The following HEMK2 variants were observed in gnomAD, a reference collection of about 807,000 sequenced individuals.
The protein encoded by HEMK2 is HemK methyltransferase 2, ETF1 glutamine and histone H4 lysine.
chr21:28,831,530 A>AGAAG, the HEMK2 span, among the ~76,000 whole-genome samples: 5 of 73,244 alleles, frequency 6.8e-5, no homozygotes, highest in East Asian at 5.0e-4. Flanking sequence ...AAAGAAGGAA[A>AGAAG]GAAGGAAAGA....
At chr21:28,842,650 GCAA>G in the HEMK2 span, among the ~76,000 whole-genome samples, 1 of 152,150 alleles carries the variant, frequency 6.6e-6, no homozygotes, top group African/African-American at 2.4e-5. Flanking sequence ...GTTTTGTTCA[GCAA>G]CAACGTGCCC....
At chr21:28,833,297 CA>C in the HEMK2 span, among the ~76,000 whole-genome samples, 1 of 152,226 alleles carries the variant, frequency 6.6e-6, no homozygotes, top group African/African-American at 2.4e-5. Context: ...TTTGTGCACA[CA>C]AGGCCAAGCA....
the HEMK2 span, among the ~76,000 whole-genome samples, chr21:28,622,373 A>C: frequency 1.3e-5 from 2 of 152,228 alleles, no homozygotes; most frequent in African/African-American, 4.8e-5. Context: ...ATGGATAGGA[A>C]GAATCAATAT....
At chr21:28,755,617 G>C in the HEMK2 span, among the ~76,000 whole-genome samples, 1 of 152,168 alleles carries the variant, frequency 6.6e-6, no homozygotes, top group Non-Finnish European at 1.5e-5. Flanking sequence ...AAGAATAATT[G>C]TCTAGCAATT....
the HEMK2 span, among the ~76,000 whole-genome samples, chr21:28,749,631 T>A: frequency 1.3e-5 from 2 of 152,240 alleles, no homozygotes; most frequent in Non-Finnish European, 2.9e-5. Context: ...GACCTTGAAC[T>A]TGATCGTCAG....
At chr21:28,838,978 T>A in the HEMK2 span, among the ~76,000 whole-genome samples, 1,960 of 36,204 alleles carry the variant, frequency 0.054, 87 homozygotes, top group East Asian at 0.073. Context: ...AAAAAATATA[T>A]ATATATATAT....
At chr21:28,605,729 G>A in the HEMK2 span, among the ~76,000 whole-genome samples, 53 of 152,166 alleles carry the variant, frequency 3.5e-4, no homozygotes, top group African/African-American at 1.1e-3. Context: ...TCCATGTATC[G>A]TGTGTTTATG....
chr21:28,845,687 ATTT>A, the HEMK2 span, among the ~76,000 whole-genome samples: 12 of 146,340 alleles, frequency 8.2e-5, no homozygotes, highest in Admixed American at 8.1e-4. Context: ...GTAAGTAGAA[ATTT>A]TTTTCTCACT....
chr21:28,878,046 T>C, the HEMK2 span: 2 of 615,246 alleles, frequency 3.3e-6, no homozygotes. Flanking sequence ...AACATAAATT[T>C]ATGCCTGTAT....
At chr21:28,881,369 A>G in the HEMK2 span, among the ~76,000 whole-genome samples, 1 of 152,190 alleles carries the variant, frequency 6.6e-6, no homozygotes, top group Admixed American at 6.5e-5. Context: ...GGCCACAGCA[A>G]AAGGTTGAGA....
the HEMK2 span, among the ~76,000 whole-genome samples, chr21:28,793,303 A>C: frequency 6.6e-6 from 1 of 152,298 alleles, no homozygotes; most frequent in East Asian, 1.9e-4. Flanking sequence ...TAATGACAAA[A>C]CTTTTTGGGA....
At chr21:28,616,103 T>C in the HEMK2 span, among the ~76,000 whole-genome samples, 1 of 152,336 alleles carries the variant, frequency 6.6e-6, no homozygotes, top group Admixed American at 6.5e-5. Flanking sequence ...GGGTTGACAG[T>C]GGAAGCTTCA....
the HEMK2 span, among the ~76,000 whole-genome samples, chr21:28,863,290 A>T: frequency 2.0e-5 from 3 of 151,062 alleles, no homozygotes; most frequent in Admixed American, 2.0e-4. Flanking sequence ...CTGCCCGTGA[A>T]CGCGGGACTC....
chr21:28,813,501 C>T, the HEMK2 span, among the ~76,000 whole-genome samples: 1 of 152,170 alleles, frequency 6.6e-6, no homozygotes, highest in Admixed American at 6.5e-5. Context: ...GGCCATACTG[C>T]CTGAAGTAAT....
chr21:28,657,984 T>A, the HEMK2 span, among the ~76,000 whole-genome samples: 1 of 152,206 alleles, frequency 6.6e-6, no homozygotes, highest in Middle Eastern at 3.4e-3. Context: ...AATGGGGACA[T>A]GGACTTCTTG....
At chr21:28,584,763 T>C in the HEMK2 span, among the ~76,000 whole-genome samples, 1 of 152,002 alleles carries the variant, frequency 6.6e-6, no homozygotes, top group African/African-American at 2.4e-5. Flanking sequence ...AAGCTGGGGC[T>C]GATAGAGAGC....
the HEMK2 span, among the ~76,000 whole-genome samples, chr21:28,637,635 A>C: frequency 6.6e-6 from 1 of 152,180 alleles, no homozygotes; most frequent in Non-Finnish European, 1.5e-5. Flanking sequence ...TTGAGACTTG[A>C]GCAGCCTTCT....
At chr21:28,663,524 G>T in the HEMK2 span, among the ~76,000 whole-genome samples, 5 of 152,226 alleles carry the variant, frequency 3.3e-5, no homozygotes, top group African/African-American at 9.6e-5. Flanking sequence ...GACAAAAGGG[G>T]CTCTGCAGCA....
chr21:28,717,480 C>CTTT, the HEMK2 span, among the ~76,000 whole-genome samples: 11,336 of 117,112 alleles, frequency 0.097, 1,163 homozygotes, highest in East Asian at 0.28. Flanking sequence ...TCATTTTAGT[C>CTTT]TTTTTTTTTT....
Sources: gnomAD v4.1 joint callset for allele counts (sites outside exome capture counted in the v4.1 genomes callset) on GRCh38, gnomAD v4.1.1 for gene constraint, MANE v1.5 for transcripts, NCBI Gene and HGNC (gene_info 2026-07-23, HGNC 2026-07-21) for gene names.